The following CDK8 variants were observed in gnomAD, a reference collection of about 807,000 sequenced individuals.
CDK8 encodes cyclin dependent kinase 8, also known as cyclin-dependent kinase 8.
A neutral mutation model predicts 71.5 loss-of-function variants in CDK8; 29 were observed. That is an observed-to-expected ratio of 0.41 (90% confidence interval 0.30 to 0.55). CDK8 has a LOEUF of 0.55. CDK8 is among the 20% of genes least tolerant of loss of function. The probability of loss-of-function intolerance (pLI) is 0.37; values close to 1 mark genes in which losing one functional copy is unlikely to be tolerated. For missense variants in CDK8, 288 were observed against 572.6 expected (o/e 0.50, Z 5.07); for synonymous variants, 161 against 192.1 (o/e 0.84, Z 1.34).
At chr13:26,353,923 C>T in intron 4 of CDK8, 43 bp downstream of exon 4, 4 of 1,560,802 alleles carry the variant, frequency 2.6e-6, no homozygotes, top group Non-Finnish European at 3.5e-6. Context: ...AGATGCATTA[C>T]AGTTGGATAC....
Position 26,401,855 on chromosome 13 carries a change from G to C in CDK8, c.1269+231G>C, listed in dbSNP as rs1876275340. On this transcript the variant is annotated intron_variant, in intron 12 of 12. Transcript: ENST00000381527. This position sits in a 1 kb window ranked among gnomAD's most constrained non-coding sequence, Gnocchi z 4.5. ...ATACAAATTATGCCATTTATTAACT[G>C]TGTGACCTTGGACAAGTAGGATAAT... Among the ~76,000 whole-genome samples the C allele has an allele frequency of 1.3e-5, 2 of 152,196 alleles. No individual in the cohort carries two copies. Among genetic ancestry groups the C allele is most frequent in the African/African-American group, 4.8e-5 (2 of 41,456 alleles).
At chr13:26,396,655 A>G (rs1008031044) in intron 8 of CDK8, among the ~76,000 whole-genome samples, 1 of 152,146 alleles carries the variant, frequency 6.6e-6, no homozygotes, top group Non-Finnish European at 1.5e-5. Flanking sequence ...AGCTGAATAA[A>G]TAAGAATCTA....
At chr13:26,336,920 C>G (rs1309761950) in intron 1 of CDK8, among the ~76,000 whole-genome samples, 1 of 152,040 alleles carries the variant, frequency 6.6e-6, no homozygotes, top group Non-Finnish European at 1.5e-5. Context: ...TTGCACTTGC[C>G]ATATCATAGC....
chr13:26,366,204 G>A (rs956393785), intron 4 of CDK8, among the ~76,000 whole-genome samples: 1 of 151,880 alleles, frequency 6.6e-6, no homozygotes, highest in African/African-American at 2.4e-5. Flanking sequence ...TCAGTTTGAC[G>A]ACCATATCTC....
chr13:26,330,674 A>G (rs1875274008), intron 1 of CDK8, among the ~76,000 whole-genome samples: 2 of 151,782 alleles, frequency 1.3e-5, no homozygotes, highest in African/African-American at 4.8e-5. Flanking sequence ...AGAACGTGCA[A>G]TATTTGTCTT....
chr13:26,352,948 C>T (rs527284849), intron 3 of CDK8, among the ~76,000 whole-genome samples: 1 of 152,246 alleles, frequency 6.6e-6, no homozygotes, highest in East Asian at 1.9e-4. Flanking sequence ...CAAGGGTCTG[C>T]TCTGTGCAAT....
At chr13:26,370,463 T>C (rs950939050) in intron 4 of CDK8, among the ~76,000 whole-genome samples, 78 of 152,344 alleles carry the variant, frequency 5.1e-4, no homozygotes, top group African/African-American at 1.8e-3. Context: ...TGTTCATTTC[T>C]GGTTGAAATT....
At chr13:26,368,622 T>C (rs933004448) in intron 4 of CDK8, among the ~76,000 whole-genome samples, 2 of 152,236 alleles carry the variant, frequency 1.3e-5, no homozygotes, top group Non-Finnish European at 2.9e-5. Flanking sequence ...TGTCATATAG[T>C]AATGGTTAGG....
chr13:26,404,216 C>T lies in CDK8; in HGVS notation c.*135C>T, dbSNP rs1489884167. 12 of 990,374 alleles carry T rather than the reference C, an allele frequency of 1.2e-5. No homozygotes were observed. The highest frequency in any genetic ancestry group is 1.3e-5 in the Non-Finnish European group (9 of 688,750). The allele number at this position is 990,374 out of a possible 1,614,324, so 61.3% of individuals were successfully genotyped here. A position where few individuals can be genotyped will look rare whatever the true frequency, so the allele number is the denominator to read the frequency against. ...TTCAAAATGTCCAGTAGCCAAGTTC[C>T]ACCACTTTTCACAGATTGGGGTAGT... On this transcript the variant is annotated 3_prime_UTR_variant, in exon 13 of 13. Transcript: ENST00000381527.
rs201458719 is a variant in CDK8, at chr13:26,335,919, T to TTAA, written c.129-1647_129-1645dup. ...TAAAATATAATTGATATTCTCTTGC[T>TTAA]TAACAACAACAACAACAACAACAAC... On this transcript the variant is annotated intron_variant, in intron 1 of 12. Transcript: ENST00000381527. Among the ~76,000 whole-genome samples, 724 of 72,772 alleles carry TTAA rather than the reference T, an allele frequency of 9.9e-3. 6 individuals carry two copies. Among genetic ancestry groups the TTAA allele is most frequent in the African/African-American group, 0.023 (628 of 27,568 alleles). The allele number at this position is 72,772 out of a possible 152,430, so 47.7% of individuals were successfully genotyped here.
At chr13:26,290,029 CAT>C (rs759211106) in intron 1 of CDK8, among the ~76,000 whole-genome samples, 24 of 152,200 alleles carry the variant, frequency 1.6e-4, no homozygotes, top group Non-Finnish European at 3.4e-4. Context: ...GTAAAAATAA[CAT>C]TATAAATTTT....
At chr13:26,341,790 C>T (rs1873249625) in intron 2 of CDK8, among the ~76,000 whole-genome samples, 1 of 151,958 alleles carries the variant, frequency 6.6e-6, no homozygotes, top group African/African-American at 2.4e-5. Context: ...ATTAAATTTA[C>T]AGTAAATTAC....
chr13:26,346,921 G>A (rs984620231), intron 2 of CDK8, among the ~76,000 whole-genome samples: 1 of 152,154 alleles, frequency 6.6e-6, no homozygotes, highest in African/African-American at 2.4e-5. Context: ...TTTTGTGGCA[G>A]TGTTCTTACA....
At chr13:26,291,811 C>G (rs1446057570) in intron 1 of CDK8, among the ~76,000 whole-genome samples, 1 of 152,144 alleles carries the variant, frequency 6.6e-6, no homozygotes, top group Non-Finnish European at 1.5e-5. Context: ...CTTAGAACTT[C>G]CATATACCTT....
At chr13:26,278,763 A>T (rs147468560) in intron 1 of CDK8, among the ~76,000 whole-genome samples, 5 of 152,336 alleles carry the variant, frequency 3.3e-5, no homozygotes, top group African/African-American at 1.2e-4. Context: ...CAGAATATAC[A>T]GTTGACCCTG....
intron 3 of CDK8, among the ~76,000 whole-genome samples, chr13:26,350,912 C>A (rs1873654374): frequency 6.6e-6 from 1 of 152,006 alleles, no homozygotes; most frequent in African/African-American, 2.4e-5. Flanking sequence ...TCTAAGGTAA[C>A]TATAAAATTT....
chr13:26,325,818 G>A (rs190746740), intron 1 of CDK8, among the ~76,000 whole-genome samples: 1 of 152,116 alleles, frequency 6.6e-6, no homozygotes, highest in Non-Finnish European at 1.5e-5. Context: ...CAGATTCAGG[G>A]TATTCAGATC....
At chr13:26,264,201 A>G (rs915367375) in intron 1 of CDK8, among the ~76,000 whole-genome samples, 11 of 152,202 alleles carry the variant, frequency 7.2e-5, no homozygotes, top group Admixed American at 2.0e-4. Flanking sequence ...TTGATTTTTT[A>G]AAGTGTAAAA....
At chr13:26,297,183 A>G (rs1484427667) in intron 1 of CDK8, among the ~76,000 whole-genome samples, 1 of 152,218 alleles carries the variant, frequency 6.6e-6, no homozygotes, top group African/African-American at 2.4e-5. Flanking sequence ...CTCCCAAAGG[A>G]AAATGTTTAT....
Sources: allele counts gnomAD v4.1 joint callset (sites outside exome capture counted in the v4.1 genomes callset), GRCh38; gene constraint gnomAD v4.1.1; non-coding constraint Gnocchi (gnomAD v3.1); transcripts MANE v1.5; gene names NCBI Gene and HGNC (gene_info 2026-07-23, HGNC 2026-07-21).